DSCAM: variants seen among roughly 807,000 people sequenced by gnomAD.
The protein encoded by DSCAM is cell adhesion molecule DSCAM.
A neutral mutation model predicts 217.7 loss-of-function variants in DSCAM; 47 were observed. The observed-to-expected ratio is 0.22, with a 90% CI of 0.17 to 0.28. The LOEUF (loss-of-function observed/expected upper bound fraction) is 0.28. Among genes scored for constraint, DSCAM ranks in the 10% least tolerant of loss-of-function variants. The pLI is 1.00. For missense variants in DSCAM, 2,080 were observed against 2,618.3 expected (o/e 0.79, Z 4.49); for synonymous variants, 1,056 against 1,015.3 (o/e 1.04, Z -0.76).
At chr21:40,064,613 C>T (rs2089178810) in intron 27 of DSCAM, among the ~76,000 whole-genome samples, 1 of 152,140 alleles carries the variant, frequency 6.6e-6, no homozygotes, top group Non-Finnish European at 1.5e-5. Context: ...TCAACCCTTC[C>T]CTAAACCTAA....
intron 8 of DSCAM, among the ~76,000 whole-genome samples, chr21:40,331,832 G>A (rs542689868): frequency 1.3e-5 from 2 of 152,248 alleles, no homozygotes; most frequent in Non-Finnish European, 2.9e-5. Context: ...CATAAAATAT[G>A]ACTCTGAAAG....
At chr21:40,497,277 C>G (rs2076126516) in intron 3 of DSCAM, among the ~76,000 whole-genome samples, 1 of 152,026 alleles carries the variant, frequency 6.6e-6, no homozygotes, top group Non-Finnish European at 1.5e-5. Flanking sequence ...AAAATTTACA[C>G]AAGTAAATAA....
chr21:40,253,790 G>A (rs1459154113), intron 11 of DSCAM, among the ~76,000 whole-genome samples: 1 of 152,248 alleles, frequency 6.6e-6, no homozygotes, highest in Non-Finnish European at 1.5e-5. Flanking sequence ...CCTGTGCTCA[G>A]GACCCTTCCG....
intron 3 of DSCAM, among the ~76,000 whole-genome samples, chr21:40,417,961 T>C (rs968534248): frequency 1.3e-5 from 2 of 152,178 alleles, no homozygotes; most frequent in Non-Finnish European, 2.9e-5. Context: ...CCTCAGTAAC[T>C]TTAAGGCAGC....
chr21:40,816,676 T>G (rs2091884333), intron 1 of DSCAM, among the ~76,000 whole-genome samples: 1 of 152,188 alleles, frequency 6.6e-6, no homozygotes, highest in Non-Finnish European at 1.5e-5. Context: ...ATAGAGATCT[T>G]TCACATCCTC....
At chr21:40,427,285 T>C (rs2075484278) in intron 3 of DSCAM, among the ~76,000 whole-genome samples, 1 of 152,190 alleles carries the variant, frequency 6.6e-6, no homozygotes, top group Non-Finnish European at 1.5e-5. Context: ...ATCACTGTCC[T>C]GGGCATGAAC....
chr21:40,512,077 A>T (rs970414957), intron 3 of DSCAM, among the ~76,000 whole-genome samples: 1 of 151,732 alleles, frequency 6.6e-6, no homozygotes, highest in Admixed American at 6.6e-5. Context: ...CCAATGAGAA[A>T]GGCAAGGGAG....
intron 3 of DSCAM, among the ~76,000 whole-genome samples, chr21:40,401,118 C>A (rs1451133753): frequency 6.6e-6 from 1 of 152,178 alleles, no homozygotes; most frequent in African/African-American, 2.4e-5. Context: ...AAATAACTGT[C>A]ATCTGTAGTC....
chr21:40,069,545 A>G (rs1368369265), intron 27 of DSCAM, among the ~76,000 whole-genome samples: 1 of 152,254 alleles, frequency 6.6e-6, no homozygotes, highest in Non-Finnish European at 1.5e-5. Context: ...AATCTTGTTT[A>G]TAGCCACATG....
intron 3 of DSCAM, among the ~76,000 whole-genome samples, chr21:40,689,805 T>C (rs1022414012): frequency 6.6e-6 from 1 of 152,194 alleles, no homozygotes; most frequent in African/African-American, 2.4e-5. Flanking sequence ...AGAGACAAAT[T>C]AACCTTTTAC....
In DSCAM at chr21:40,661,292, A is replaced by C. The variant is rs150808475; in HGVS notation, c.508+31518T>G. Among the ~76,000 whole-genome samples the C allele has an allele frequency of 3.4e-4, 52 of 152,340 alleles. 1 individual carries two copies. Among genetic ancestry groups the C allele is most frequent in the Non-Finnish European group, 4.4e-4 (30 of 68,040 alleles). On this transcript the variant is annotated intron_variant, in intron 3 of 32. Transcript: ENST00000400454. ...GTGAGTGGGACCTCAATTCTATCTA[A>C]CACTCGTATTCATAAAAAAAGGAAT...
intron 20 of DSCAM, among the ~76,000 whole-genome samples, chr21:40,123,789 G>T (rs73362131): frequency 6.7e-6 from 1 of 149,338 alleles, no homozygotes; most frequent in African/African-American, 2.5e-5. Flanking sequence ...GAAGGAAGGA[G>T]GGAGGGAAGG....
At chr21:40,427,328 T>A (rs1488158104) in intron 3 of DSCAM, among the ~76,000 whole-genome samples, 1 of 152,200 alleles carries the variant, frequency 6.6e-6, no homozygotes, top group East Asian at 1.9e-4. Flanking sequence ...GCCCTCGGCA[T>A]GAACCCATGT....
intron 3 of DSCAM, among the ~76,000 whole-genome samples, chr21:40,467,990 C>G (rs1408587569): frequency 6.7e-6 from 1 of 149,868 alleles, no homozygotes; most frequent in African/African-American, 2.5e-5. Flanking sequence ...TAGGAAATTC[C>G]TTGCGGGCCC....
Position 40,498,709 on chromosome 21 carries a change from A to C in DSCAM, c.509-129464T>G, listed in dbSNP as rs1290801421. ...TATATATATATATAGATATATATAT[A>C]TGGGTGTATATATATATGGGTGTGT... On this transcript the variant is annotated intron_variant, in intron 3 of 32. Coordinates refer to ENST00000400454, the MANE Select transcript of DSCAM (RefSeq NM_001389.5). Among the ~76,000 whole-genome samples, 9 of 5,452 alleles carry C rather than the reference A, an allele frequency of 1.7e-3. 2 individuals carry two copies. Among genetic ancestry groups the C allele is most frequent in the African/African-American group, 8.8e-3 (9 of 1,022 alleles). The allele number at this position is 5,452 out of a possible 152,430, so 3.6% of individuals were successfully genotyped here. A position where few individuals can be genotyped will look rare whatever the true frequency, so the allele number is the denominator to read the frequency against.
chr21:40,381,675 G>A lies in DSCAM; in HGVS notation c.509-12430C>T, dbSNP rs144200282. ...CTGATACAGATGGCATAGGATTATG[G>A]GAAAGAATCTGGAAAAATAGGAACC... On this transcript the variant is annotated intron_variant, in intron 3 of 32. Transcript: ENST00000400454. Among the ~76,000 whole-genome samples, 26 of 152,234 alleles carry A rather than the reference G, an allele frequency of 1.7e-4. 1 individual carries two copies. The highest frequency in any genetic ancestry group is 6.3e-4 in the African/African-American group (26 of 41,532).
intron 3 of DSCAM, among the ~76,000 whole-genome samples, chr21:40,675,060 A>G (rs2090323749): frequency 6.6e-6 from 1 of 152,078 alleles, no homozygotes; most frequent in Non-Finnish European, 1.5e-5. Context: ...CACACGATGC[A>G]TGTTCATTAA....
At chr21:40,057,764 A>T (rs971078194) in intron 28 of DSCAM, among the ~76,000 whole-genome samples, 3 of 152,150 alleles carry the variant, frequency 2.0e-5, no homozygotes, top group African/African-American at 7.2e-5. Context: ...AGACTATAAG[A>T]AAACGGCCCA....
intron 2 of DSCAM, among the ~76,000 whole-genome samples, chr21:40,696,649 G>T (rs1288995937): frequency 6.6e-6 from 1 of 152,154 alleles, no homozygotes; most frequent in Non-Finnish European, 1.5e-5. Flanking sequence ...AGGGATGCCA[G>T]TAGGGTCCAC....
Sources: allele counts gnomAD v4.1 joint callset (sites outside exome capture counted in the v4.1 genomes callset), GRCh38; gene constraint gnomAD v4.1.1; transcripts MANE v1.5; gene names NCBI Gene and HGNC (gene_info 2026-07-23, HGNC 2026-07-21).